Variants in PTPRN2 observed in about 807,000 individuals in gnomAD.
The protein encoded by PTPRN2 is protein tyrosine phosphatase receptor type N2.
PTPRN2 carries 74 observed loss-of-function variants against 118.8 expected under a neutral mutation model. That is an observed-to-expected ratio of 0.62 (90% confidence interval 0.52 to 0.76). The LOEUF is 0.76. Among genes scored for constraint, PTPRN2 ranks in the 30% least tolerant of loss-of-function variants. The pLI is 0.00. For synonymous variants in PTPRN2, 641 were observed against 608.0 expected, an observed-to-expected ratio of 1.05 and a Z score of -0.80; for missense variants, 1,481 against 1,394.4, an observed-to-expected ratio of 1.06 and a Z score of -0.99.
In PTPRN2 at chr7:158,580,422, A is replaced by G. The variant is rs138386780; in HGVS notation, c.112+7136T>C. ...TTCTGAAAATTCCTTCCGCCAAACAAACCATTTCTAAACATGCCCTTTGTG... is the reference window on the plus strand; with the variant it reads ...TTCTGAAAATTCCTTCCGCCAAACAGACCATTTCTAAACATGCCCTTTGTG... On this transcript the variant is annotated intron_variant, in intron 1 of 22. Coordinates refer to ENST00000389418, the MANE Select transcript of PTPRN2 (RefSeq NM_002847.5). Among the ~76,000 whole-genome samples, 215 of 152,326 alleles carry G rather than the reference A, an allele frequency of 1.4e-3. 2 individuals carry two copies. The highest frequency in any genetic ancestry group is 5.0e-3 in the African/African-American group (209 of 41,580).
intron 2 of PTPRN2, among the ~76,000 whole-genome samples, chr7:158,366,973 T>A (rs1809583637): frequency 6.6e-6 from 1 of 152,114 alleles, no homozygotes; most frequent in Non-Finnish European, 1.5e-5. Flanking sequence ...GCAGTGCCGC[T>A]CCCGTGCACC....
rs1216224016 is a variant in PTPRN2 at position 157,825,326 on chromosome 7, GCAGCT to G, written c.1788+73342_1788+73346del. Among the ~76,000 whole-genome samples the G allele has an allele frequency of 3.3e-5, 5 of 152,254 alleles. No homozygotes were observed. The East Asian group carries it at 9.7e-4, about 29-fold the overall frequency. On this transcript the variant is annotated intron_variant, in intron 12 of 22. Transcript: ENST00000389418. ...CAGCAGCCATCTGGGATCATGAGGA[GCAGCT>G]CAGGGCTGAGGGCTGGAGCGGCAGG... is the stretch of plus-strand genomic sequence containing the variant.
chr7:157,910,876 C>G (rs1343338773), intron 11 of PTPRN2, among the ~76,000 whole-genome samples: 1 of 152,170 alleles, frequency 6.6e-6, no homozygotes, highest in East Asian at 1.9e-4. Flanking sequence ...GCATGTTGCC[C>G]CAATGTTTGG....
At chr7:157,819,582 G>A (rs1268530909) in intron 12 of PTPRN2, among the ~76,000 whole-genome samples, 1 of 127,840 alleles carries the variant, frequency 7.8e-6, no homozygotes, top group South Asian at 2.7e-4. Flanking sequence ...CCGAGTGGCC[G>A]CAGCACAGCC....
At chr7:158,458,963 CAT>C (rs1450695860) in intron 2 of PTPRN2, among the ~76,000 whole-genome samples, 1 of 152,196 alleles carries the variant, frequency 6.6e-6, no homozygotes, top group Admixed American at 6.5e-5. Context: ...GCAAAGGACA[CAT>C]GTGGGGAAGA....
In PTPRN2 at chr7:157,541,865, A is replaced by G. The variant is rs188799457; in HGVS notation, c.2977-1080T>C. On this transcript the variant is annotated intron_variant, in intron 22 of 22. Transcript: ENST00000389418. ...AAAATAACGTGATGCTCATTCTGAGACAAAAGACAGTTTCTCCTTTCATAT... is the reference window on the plus strand; with the variant it reads ...AAAATAACGTGATGCTCATTCTGAGGCAAAAGACAGTTTCTCCTTTCATAT... Among the ~76,000 whole-genome samples, 151 of 152,342 alleles carry G rather than the reference A, an allele frequency of 9.9e-4. 1 individual carries two copies. The highest frequency in any genetic ancestry group is 1.5e-4 in the Non-Finnish European group (10 of 68,030).
At chr7:158,110,697 A>C in intron 10 of PTPRN2, 132 bp downstream of exon 10, 1 of 816,946 alleles carries the variant, frequency 1.2e-6, no homozygotes, top group Non-Finnish European at 2.0e-6. Flanking sequence ...TGCTGAAATC[A>C]CCTTTCACTT....
intron 12 of PTPRN2, among the ~76,000 whole-genome samples, chr7:157,822,118 A>C (rs532474946): frequency 5.3e-5 from 8 of 151,858 alleles, no homozygotes; most frequent in African/African-American, 1.9e-4. Context: ...CCACTCATCC[A>C]CTATCCATTG....
At chr7:158,440,814 AGTAGTAGTG>A (rs1404575246) in intron 2 of PTPRN2, among the ~76,000 whole-genome samples, 15 of 14,348 alleles carry the variant, frequency 1.0e-3, no homozygotes, top group Non-Finnish European at 1.6e-3. Flanking sequence ...TGATGGTGGT[AGTAGTAGTG>A]GTGGTGGTGG....
At chr7:158,358,965 G>T (rs1808611341) in intron 2 of PTPRN2, among the ~76,000 whole-genome samples, 1 of 152,230 alleles carries the variant, frequency 6.6e-6, no homozygotes, top group Non-Finnish European at 1.5e-5. Flanking sequence ...TCTTTAAGAA[G>T]TGATAAAAGG....
chr7:157,599,163 C>T (rs1801519077), intron 16 of PTPRN2, among the ~76,000 whole-genome samples: 1 of 152,136 alleles, frequency 6.6e-6, no homozygotes, highest in African/African-American at 2.4e-5. Context: ...GCGTGTGCCA[C>T]CACACCCAGC....
At chr7:158,365,287 G>A (rs1462489952) in intron 2 of PTPRN2, among the ~76,000 whole-genome samples, 1 of 152,198 alleles carries the variant, frequency 6.6e-6, no homozygotes, top group African/African-American at 2.4e-5. Flanking sequence ...GAGGCCAGCG[G>A]GGCTGGAGGC....
chr7:158,457,711 G>A (rs138785981), intron 2 of PTPRN2, among the ~76,000 whole-genome samples: 1,039 of 36,940 alleles, frequency 0.028, 206 homozygotes, highest in African/African-American at 0.078. Flanking sequence ...TAAAGCCACC[G>A]TCAAAACTCC....
chr7:158,071,436 G>GTGGTGGAGGTGCTCC (rs1811605057), intron 11 of PTPRN2, among the ~76,000 whole-genome samples: 1 of 36,210 alleles, frequency 2.8e-5, no homozygotes, highest in Non-Finnish European at 5.2e-5. Flanking sequence ...GGTGCTCGTG[G>GTGGTGGAGGTGCTCC]TGGTGGAGGT....
At chr7:158,366,300 C>T (rs1400909666) in intron 2 of PTPRN2, among the ~76,000 whole-genome samples, 1 of 134,642 alleles carries the variant, frequency 7.4e-6, no homozygotes, top group Admixed American at 7.5e-5. Flanking sequence ...AAGCTGCAGC[C>T]CAATGCACGT....
chr7:158,270,932 A>C (rs1320282534), intron 3 of PTPRN2, among the ~76,000 whole-genome samples: 2 of 5,194 alleles, frequency 3.9e-4, no homozygotes, highest in Non-Finnish European at 6.5e-4. Flanking sequence ...CACCCCCCCC[A>C]CCTGGACCAC....
Position 157,611,625 on chromosome 7 carries a change from C to T in PTPRN2, c.2345-7550G>A, listed in dbSNP as rs567159756. Among the ~76,000 whole-genome samples, 9 of 152,246 alleles carry T rather than the reference C, an allele frequency of 5.9e-5. No individual in the cohort carries two copies. In the South Asian group the frequency reaches 1.9e-3, roughly 32 times the overall value. ...AAGCGAGCGGAGGGCATTTGGGCGG[C>T]CCTAATGCAATATGACTGGCGTGCT... On this transcript the variant is annotated intron_variant, in intron 15 of 22. Coordinates refer to ENST00000389418, the MANE Select transcript of PTPRN2 (RefSeq NM_002847.5). This position sits in a 1 kb window ranked among gnomAD's most constrained non-coding sequence, Gnocchi z 5.9.
At chr7:157,685,155 G>A (rs1044500385) in intron 12 of PTPRN2, among the ~76,000 whole-genome samples, 1 of 151,848 alleles carries the variant, frequency 6.6e-6, no homozygotes, top group Non-Finnish European at 1.5e-5. Context: ...AGGAAGCGGC[G>A]CGACCGGCGG....
chr7:158,303,287 C>T (rs181850191), intron 3 of PTPRN2, among the ~76,000 whole-genome samples: 155 of 152,218 alleles, frequency 1.0e-3, no homozygotes, highest in African/African-American at 3.3e-3. Flanking sequence ...TTTGGAATTC[C>T]GCTCTCCATT....
Sources: allele counts gnomAD v4.1 joint callset (sites outside exome capture counted in the v4.1 genomes callset), GRCh38; gene constraint gnomAD v4.1.1; non-coding constraint Gnocchi (gnomAD v3.1); transcripts MANE v1.5; gene names NCBI Gene and HGNC (gene_info 2026-07-23, HGNC 2026-07-21).